ARRDC5: variants seen among roughly 807,000 people sequenced by gnomAD.
ARRDC5 encodes arrestin domain containing 5.
A neutral mutation model predicts 13.3 loss-of-function variants in ARRDC5; 12 were observed. That is an observed-to-expected ratio of 0.90 (90% CI 0.58 to 1.46). ARRDC5 has a LOEUF of 1.46. Ranked by LOEUF, ARRDC5 falls within the 40% of genes most tolerant of loss-of-function variation. The pLI is 0.00. For missense variants in ARRDC5, 406 were observed against 418.7 expected, an observed-to-expected ratio of 0.97 and a Z score of 0.26; for synonymous variants, 181 against 173.4, an observed-to-expected ratio of 1.04 and a Z score of -0.34.
Position 4,902,628 on chromosome 19 carries a change from A to G in ARRDC5, c.198T>C (p.Val66=). The change falls in exon 1 of 3, where the codon GTT becomes GTC. Residue 66 remains valine, a synonymous_variant. Transcript: ENST00000650722. ...CGTAGTCTGCCTTGTTGTTGCAAATAACATTTCTGCTATAATCACAGGATG... is the reference window on the plus strand; with the variant it reads ...CGTAGTCTGCCTTGTTGTTGCAAATGACATTTCTGCTATAATCACAGGATG... ...AGASCDYSRN[V]ICNNKADYVH... is the part of the protein sequence containing the mutation. 6.2e-7 allele frequency: 1 copy of G among 1,613,976 alleles called. No homozygotes were observed. Among genetic ancestry groups the G allele is most frequent in the Non-Finnish European group, 8.5e-7 (1 of 1,179,896 alleles).
At chr19:4,909,354 C>G in the ARRDC5 span, 14 of 595,570 alleles carry the variant, frequency 2.4e-5, no homozygotes, top group Non-Finnish European at 4.2e-5. Context: ...TAGGCGGAGG[C>G]GCCGTGGACA....
chr19:4,899,441 G>A (rs1822476419), intron 1 of ARRDC5, among the ~76,000 whole-genome samples: 1 of 151,484 alleles, frequency 6.6e-6, no homozygotes, highest in Non-Finnish European at 1.5e-5. Context: ...GACCAGCCTG[G>A]CCAACATGGT....
At chr19:4,913,892 A>ACCTCC in the ARRDC5 span, among the ~76,000 whole-genome samples, 1 of 137,384 alleles carries the variant, frequency 7.3e-6, no homozygotes, top group Non-Finnish European at 1.5e-5. Context: ...GCTTACCTCA[A>ACCTCC]CCTCCACCTC....
At chr19:4,904,463 G>C (rs927047388), upstream of ARRDC5, among the ~76,000 whole-genome samples, 1 of 152,260 alleles carries the variant, frequency 6.6e-6, no homozygotes, top group Admixed American at 6.5e-5. Flanking sequence ...ACAGGCGTGA[G>C]CCACCGCACC....
chr19:4,907,258 C>T (rs963147064), upstream of ARRDC5, among the ~76,000 whole-genome samples: 47 of 151,722 alleles, frequency 3.1e-4, no homozygotes, highest in African/African-American at 1.1e-3. Flanking sequence ...TATAGGCACA[C>T]ACCACCCTGC....
At chr19:4,904,888 G>A (rs2032033612), upstream of ARRDC5, among the ~76,000 whole-genome samples, 1 of 152,174 alleles carries the variant, frequency 6.6e-6, no homozygotes, top group Non-Finnish European at 1.5e-5. Context: ...TCTGGTGCCT[G>A]AGAGGGAGGG....
chr19:4,916,367 C>CGG, the ARRDC5 span, among the ~76,000 whole-genome samples: 2 of 152,032 alleles, frequency 1.3e-5, no homozygotes, highest in Non-Finnish European at 2.9e-5. Context: ...AAGACAAGCG[C>CGG]GCCCCCTCTT....
chr19:4,891,610 C>T (rs1488839723), intron 2 of ARRDC5, 37 bp from the exon 3 acceptor site: 4 of 1,566,524 alleles, frequency 2.6e-6, no homozygotes, highest in Non-Finnish European at 3.5e-6. Flanking sequence ...CCGTGAGGGA[C>T]CAGGACCACA....
chr19:4,892,029 G>T (rs1439293101), intron 2 of ARRDC5, among the ~76,000 whole-genome samples: 2 of 151,588 alleles, frequency 1.3e-5, no homozygotes, highest in African/African-American at 4.8e-5. Flanking sequence ...TGGAAGCCTA[G>T]GGATTTTGCA....
chr19:4,903,023 C>A, upstream of ARRDC5: 1 of 584,730 alleles, frequency 1.7e-6, no homozygotes, highest in Non-Finnish European at 2.9e-6. Flanking sequence ...GTAGTCCTCA[C>A]TGGTTCTTTT....
intron 1 of ARRDC5, among the ~76,000 whole-genome samples, chr19:4,899,565 G>T (rs1447263050): frequency 6.6e-6 from 1 of 151,646 alleles, no homozygotes. Context: ...CCAGGAGGTG[G>T]AGGTTGCAGT....
chr19:4,910,115 C>T, the ARRDC5 span: 1 of 152,010 alleles, frequency 6.6e-6, no homozygotes, highest in South Asian at 2.1e-4. Flanking sequence ...GCGGGGGCCC[C>T]CTCTGTAGTC....
chr19:4,913,401 C>T, the ARRDC5 span, among the ~76,000 whole-genome samples: 1 of 151,458 alleles, frequency 6.6e-6, no homozygotes, highest in Non-Finnish European at 1.5e-5. Context: ...TTACAGTCAC[C>T]CACCACCACG....
the ARRDC5 span, among the ~76,000 whole-genome samples, chr19:4,912,700 G>A: frequency 6.6e-6 from 1 of 152,088 alleles, no homozygotes; most frequent in Non-Finnish European, 1.5e-5. Flanking sequence ...CCTTATTACT[G>A]CAGCACACCG....
intron 1 of ARRDC5, among the ~76,000 whole-genome samples, chr19:4,900,179 G>A (rs1201736383): frequency 8.9e-6 from 1 of 111,920 alleles, no homozygotes; most frequent in African/African-American, 3.6e-5. Context: ...ACGGAGTCTC[G>A]CTTTGTTGCC....
chr19:4,901,391 G>A (rs2031907479), intron 1 of ARRDC5, among the ~76,000 whole-genome samples: 2 of 152,010 alleles, frequency 1.3e-5, no homozygotes, highest in South Asian at 2.1e-4. Flanking sequence ...CGAGGTGGGC[G>A]AATCACGAGG....
At chr19:4,907,957 C>A in the ARRDC5 span, among the ~76,000 whole-genome samples, 2 of 152,142 alleles carry the variant, frequency 1.3e-5, no homozygotes, top group South Asian at 4.1e-4. Flanking sequence ...GGTGATCTGC[C>A]TGCCTCGGCC....
upstream of ARRDC5, among the ~76,000 whole-genome samples, chr19:4,906,632 A>C (rs1309663592): frequency 6.6e-6 from 1 of 152,172 alleles, no homozygotes; most frequent in Non-Finnish European, 1.5e-5. Flanking sequence ...GCGGACCTCT[A>C]GTTCCTGCTA....
the ARRDC5 span, chr19:4,909,351 A>G: frequency 1.7e-6 from 1 of 593,440 alleles, no homozygotes; most frequent in Non-Finnish European, 3.0e-6. Flanking sequence ...CACTAGGCGG[A>G]GGCGCCGTGG....
Sources: gnomAD v4.1 joint callset for allele counts (sites outside exome capture counted in the v4.1 genomes callset) on GRCh38, gnomAD v4.1.1 for gene constraint, MANE v1.5 for transcripts, NCBI Gene and HGNC (gene_info 2026-07-23, HGNC 2026-07-21) for gene names.